NHS: variants seen among roughly 807,000 people sequenced by gnomAD.
NHS encodes actin remodeling regulator NHS.
A neutral mutation model predicts 72.5 loss-of-function variants in NHS; 5 were observed. The observed-to-expected ratio is 0.07, with a 90% CI of 0.04 to 0.14. NHS has a LOEUF of 0.14. NHS is among the 10% of genes least tolerant of loss of function. The probability of loss-of-function intolerance (pLI) is 1.00; values close to 1 mark genes in which losing one functional copy is unlikely to be tolerated. For synonymous variants in NHS, 464 were observed against 547.7 expected, an observed-to-expected ratio of 0.85 and a Z score of 2.13; for missense variants, 1,072 against 1,355.7, an observed-to-expected ratio of 0.79 and a Z score of 3.29.
intron 1 of NHS, chrX:17,635,564 A>G: frequency 8.6e-7 from 1 of 1,167,685 alleles, no homozygotes; most frequent in Non-Finnish European, 1.1e-6. Context: ...CGGGAATCCA[A>G]GCATGGCTCT....
Position 17,550,848 on chromosome X carries a change from G to A in NHS, c.566-136894G>A, listed in dbSNP as rs2065331651. Reference sequence around the variant, plus strand: ...TATGAGCCAAAGTCCTGGCTTTGGAGTGGCCCACAAGACCCTATGTGATCT... The same window carrying A: ...TATGAGCCAAAGTCCTGGCTTTGGAATGGCCCACAAGACCCTATGTGATCT... On this transcript the variant is annotated intron_variant, in intron 1 of 8. Transcript: ENST00000676302. Among the ~76,000 whole-genome samples the A allele has an allele frequency of 2.7e-5, 3 of 111,868 alleles. No individual in the cohort carries two copies. In the Admixed American group the frequency reaches 2.8e-4, roughly 11 times the overall value.
At chrX:17,564,987 T>C (rs527612516) in intron 1 of NHS, among the ~76,000 whole-genome samples, 2 of 109,136 alleles carry the variant, frequency 1.8e-5, no homozygotes, top group South Asian at 7.7e-4. Flanking sequence ...TTATTTATTT[T>C]TTTTTTTTGC....
intron 1 of NHS, among the ~76,000 whole-genome samples, chrX:17,516,919 G>A (rs777932842): frequency 8.9e-6 from 1 of 112,454 alleles, no homozygotes; most frequent in African/African-American, 3.2e-5. Context: ...ATGGCATCAA[G>A]TTTGATGAAA....
intron 1 of NHS, among the ~76,000 whole-genome samples, chrX:17,440,033 G>T (rs1193778294): frequency 2.7e-5 from 3 of 110,583 alleles, no homozygotes. Flanking sequence ...GCTGAGGCAG[G>T]TGGATTGTTT....
At chrX:17,671,635 T>C (rs969892293) in intron 1 of NHS, among the ~76,000 whole-genome samples, 20 of 112,056 alleles carry the variant, frequency 1.8e-4, no homozygotes, top group Admixed American at 1.1e-3. Flanking sequence ...CTCCTTGCCC[T>C]GAAAAAGCAT....
At chrX:17,437,815 C>T (rs1384709107) in intron 1 of NHS, among the ~76,000 whole-genome samples, 1 of 111,414 alleles carries the variant, frequency 9.0e-6, no homozygotes, top group Non-Finnish European at 1.9e-5. Context: ...AAGTGTCCAA[C>T]AAATGTTCCC....
chrX:17,573,872 TC>T (rs1052870567), intron 1 of NHS, among the ~76,000 whole-genome samples: 1 of 111,849 alleles, frequency 8.9e-6, no homozygotes, highest in African/African-American at 3.3e-5. Context: ...GGTGTGGATG[TC>T]CTTTTTGTTG....
chrX:17,465,711 T>C (rs1306347701), intron 1 of NHS, among the ~76,000 whole-genome samples: 1 of 112,225 alleles, frequency 8.9e-6, no homozygotes, highest in Non-Finnish European at 1.9e-5. Context: ...TGCTTTTCAC[T>C]GTTTTATACT....
At chrX:17,423,472 G>T (rs1380042632) in intron 1 of NHS, among the ~76,000 whole-genome samples, 1 of 111,455 alleles carries the variant, frequency 9.0e-6, no homozygotes, top group African/African-American at 3.3e-5. Flanking sequence ...AGACTTGGAA[G>T]GGTTAGCATG....
At chrX:17,505,169 T>C (rs1418398601) in intron 1 of NHS, among the ~76,000 whole-genome samples, 3 of 112,041 alleles carry the variant, frequency 2.7e-5, no homozygotes, top group Non-Finnish European at 5.6e-5. Flanking sequence ...TTTCATCAGA[T>C]GCAGAATATT....
At chrX:17,495,017 C>T (rs1172990106) in intron 1 of NHS, among the ~76,000 whole-genome samples, 2 of 112,165 alleles carry the variant, frequency 1.8e-5, no homozygotes, top group African/African-American at 6.5e-5. Context: ...TCTAAACTCA[C>T]ATTTGGCTGT....
intron 1 of NHS, among the ~76,000 whole-genome samples, chrX:17,673,441 A>T (rs965106059): frequency 5.4e-5 from 6 of 111,391 alleles, no homozygotes; most frequent in Admixed American, 4.8e-4. Context: ...TTGGAATCAG[A>T]TGTATGTGCT....
intron 1 of NHS, among the ~76,000 whole-genome samples, chrX:17,430,612 A>G (rs1159398953): frequency 9.0e-6 from 1 of 110,649 alleles, no homozygotes; most frequent in Non-Finnish European, 1.9e-5. Flanking sequence ...TACTACATCC[A>G]TTTGTAGTCA....
At chrX:17,626,070 G>A (rs2065796994) in intron 1 of NHS, among the ~76,000 whole-genome samples, 1 of 112,227 alleles carries the variant, frequency 8.9e-6, no homozygotes, top group Admixed American at 9.4e-5. Flanking sequence ...AAAATCAAAT[G>A]AAATTAAAAA....
At chrX:17,501,715 GA>G (rs780671899) in intron 1 of NHS, among the ~76,000 whole-genome samples, 1 of 112,586 alleles carries the variant, frequency 8.9e-6, no homozygotes, top group South Asian at 3.7e-4. Context: ...GCAACAGAGC[GA>G]GACCCTGTCT....
intron 5 of NHS, among the ~76,000 whole-genome samples, chrX:17,723,770 T>TGTGTGTGTGTGTGCGTGC (rs541219770): frequency 3.3e-5 from 3 of 91,337 alleles, no homozygotes; most frequent in African/African-American, 1.5e-4. Flanking sequence ...TGTGTGTGTG[T>TGTGTGTGTGTGTGCGTGC]GCGCGCGCGT....
intron 1 of NHS, among the ~76,000 whole-genome samples, chrX:17,555,706 A>T (rs1254702679): frequency 8.9e-6 from 1 of 111,862 alleles, no homozygotes; most frequent in Non-Finnish European, 1.9e-5. Flanking sequence ...GGGGGAAGTT[A>T]AGATACCATC....
At chrX:17,618,944 C>G (rs983572523) in intron 1 of NHS, among the ~76,000 whole-genome samples, 2 of 112,335 alleles carry the variant, frequency 1.8e-5, no homozygotes, top group African/African-American at 6.5e-5. Flanking sequence ...TTTTCACAAA[C>G]TGATCCATTC....
chrX:17,611,491 A>G (rs1042359113), intron 1 of NHS, among the ~76,000 whole-genome samples: 1 of 112,408 alleles, frequency 8.9e-6, no homozygotes, highest in African/African-American at 3.2e-5. Flanking sequence ...CTGGTTTAAA[A>G]TAAAAAGTTA....
Sources: allele counts gnomAD v4.1 joint callset (sites outside exome capture counted in the v4.1 genomes callset), GRCh38; gene constraint gnomAD v4.1.1; transcripts MANE v1.5; gene names NCBI Gene and HGNC (gene_info 2026-07-23, HGNC 2026-07-21).